ZNF626: variants seen among roughly 807,000 people sequenced by gnomAD.
ZNF626 encodes zinc finger protein 626.
ZNF626 carries 4 observed loss-of-function variants against 11.7 expected under a neutral mutation model. The ratio of observed to expected loss-of-function variants is 0.34; its 90% CI spans 0.17 to 0.78. The LOEUF (loss-of-function observed/expected upper bound fraction) is 0.78. Among genes scored for constraint, ZNF626 ranks in the 30% least tolerant of loss-of-function variants. ZNF626 has a pLI of 0.57. For synonymous variants in ZNF626, 179 were observed against 198.6 expected (o/e 0.90, Z 0.83); for missense variants, 588 against 587.1 (o/e 1.00, Z -0.01).
intron 1 of ZNF626, among the ~76,000 whole-genome samples, chr19:20,646,841 T>TTTATTTATTTAC: frequency 6.6e-6 from 1 of 151,942 alleles, no homozygotes; most frequent in African/African-American, 2.4e-5. Flanking sequence ...TAAAGTCTGA[T>TTTATTTATTTAC]TTATTTATTT....
chr19:20,656,447 T>C (rs1395116460), intron 1 of ZNF626, among the ~76,000 whole-genome samples: 1 of 152,018 alleles, frequency 6.6e-6, no homozygotes, highest in African/African-American at 2.4e-5. Flanking sequence ...ATTGGACCTA[T>C]TTAAACTAAA....
chr19:20,641,443 A>G (rs1455922655), intron 3 of ZNF626, among the ~76,000 whole-genome samples: 1 of 152,164 alleles, frequency 6.6e-6, no homozygotes, highest in African/African-American at 2.4e-5. Flanking sequence ...ATAAAAATAG[A>G]AAGTGGAAAT....
At chr19:20,639,501 A>G (rs73008355) in intron 3 of ZNF626, among the ~76,000 whole-genome samples, 21,873 of 152,214 alleles carry the variant, frequency 0.14, 1,708 homozygotes, top group Middle Eastern at 0.19. Flanking sequence ...ACTTTGGGAG[A>G]TCAAGGTAAG....
At chr19:20,631,166 C>CA (rs1969900188) in intron 3 of ZNF626, among the ~76,000 whole-genome samples, 1 of 151,980 alleles carries the variant, frequency 6.6e-6, no homozygotes, top group Admixed American at 6.6e-5. Context: ...TGTTCTTTTA[C>CA]ATTTGCTGAG....
intron 1 of ZNF626, 124 bp from the exon 2 acceptor site, chr19:20,646,529 C>A: frequency 6.6e-7 from 1 of 1,511,618 alleles, no homozygotes; most frequent in South Asian, 1.3e-5. Flanking sequence ...TAAAATTATC[C>A]AATAAAATGA....
At chr19:20,627,961 G>A (rs1011500942) in intron 3 of ZNF626, among the ~76,000 whole-genome samples, 22 of 152,164 alleles carry the variant, frequency 1.4e-4, no homozygotes, top group African/African-American at 5.3e-4. Context: ...CCCGGTGTGT[G>A]ATGTTTCCCT....
intron 1 of ZNF626, among the ~76,000 whole-genome samples, chr19:20,661,027 G>C (rs567441662): frequency 1.3e-5 from 2 of 152,356 alleles, no homozygotes; most frequent in South Asian, 4.1e-4. Flanking sequence ...ACAGGCGTGA[G>C]CCACAGCGTC....
intron 3 of ZNF626, among the ~76,000 whole-genome samples, chr19:20,630,422 A>T (rs1459824858): frequency 4.7e-5 from 7 of 150,212 alleles, no homozygotes; most frequent in Non-Finnish European, 8.9e-5. Flanking sequence ...ACTTTTTTTG[A>T]TTGGTAAGCT....
chr19:20,653,053 C>CT (rs1427680352), intron 1 of ZNF626, among the ~76,000 whole-genome samples: 1 of 152,046 alleles, frequency 6.6e-6, no homozygotes, highest in African/African-American at 2.4e-5. Context: ...CTGTAGAGGA[C>CT]TATAGATAAG....
At chr19:20,659,083 T>C (rs1020113227) in intron 1 of ZNF626, among the ~76,000 whole-genome samples, 1 of 152,224 alleles carries the variant, frequency 6.6e-6, no homozygotes, top group African/African-American at 2.4e-5. Context: ...CTCCACCTTT[T>C]GTGTGCTCCA....
At chr19:20,642,466 C>T (rs1266054783) in intron 3 of ZNF626, among the ~76,000 whole-genome samples, 3 of 152,006 alleles carry the variant, frequency 2.0e-5, no homozygotes, top group South Asian at 2.1e-4. Flanking sequence ...GGGGTGGTGG[C>T]GTGCCTGTAG....
intron 3 of ZNF626, among the ~76,000 whole-genome samples, chr19:20,633,119 T>C (rs1555770542): frequency 6.6e-6 from 1 of 152,136 alleles, no homozygotes; most frequent in African/African-American, 2.4e-5. Context: ...GAACCGCAGA[T>C]ACTGCTGCCT....
intron 1 of ZNF626, among the ~76,000 whole-genome samples, chr19:20,654,569 C>T (rs1459408175): frequency 2.6e-5 from 4 of 151,360 alleles, no homozygotes; most frequent in South Asian, 4.2e-4. Flanking sequence ...ATTAGCTGGG[C>T]GTGGTGGCAG....
At chr19:20,625,683 T>C (rs1300937536) in intron 3 of ZNF626, 33 bp from the exon 4 acceptor site, 4 of 1,508,068 alleles carry the variant, frequency 2.7e-6, no homozygotes, top group Non-Finnish European at 3.5e-6. Context: ...ATTACTTCAA[T>C]TGGTAGACTC....
At position 20,621,872 on chromosome 19, in the gene ZNF626, A is replaced by G. The variant is rs1005639316; in HGVS notation, c.*2418T>C. ...AATAATGCTTCATTAAATGCACAAT[A>G]GTTTTAAGATGGTAAAAAATAAAAT... On this transcript the variant is annotated 3_prime_UTR_variant, in exon 4 of 4. Coordinates refer to ENST00000601440, the MANE Select transcript of ZNF626 (RefSeq NM_001076675.3). 6.6e-6 allele frequency: 1 copy of G among 152,202 alleles called. No individual in the cohort carries two copies. The highest frequency in any genetic ancestry group is 6.5e-5 in the Admixed American group (1 of 15,278). 9.4% of individuals were successfully genotyped at this position (152,202 alleles called of 1,614,324 possible). A position where few individuals can be genotyped will look rare whatever the true frequency, so the allele number is the denominator to read the frequency against.
chr19:20,656,399 C>A (rs1555773127), intron 1 of ZNF626, among the ~76,000 whole-genome samples: 1 of 152,000 alleles, frequency 6.6e-6, no homozygotes, highest in African/African-American at 2.4e-5. Context: ...CATGATGAAG[C>A]TACCAAAAGC....
intron 3 of ZNF626, 168 bp downstream of exon 3, chr19:20,645,516 A>T: frequency 1.3e-6 from 2 of 1,568,894 alleles, no homozygotes; most frequent in Non-Finnish European, 1.7e-6. Context: ...TTGTAAGCAA[A>T]ATTAAAAAAG....
rs962236846 is a variant in ZNF626 at position 20,622,566 on chromosome 19, A to C, written c.*1724T>G. The C allele has an allele frequency of 6.0e-4, 79 of 131,986 alleles. No individual in the cohort carries two copies. The highest frequency in any genetic ancestry group is 2.0e-3 in the African/African-American group (76 of 37,644). 8.2% of individuals were successfully genotyped at this position (131,986 alleles called of 1,614,324 possible). ...CGTGAATATAATAAAGTAACAGCATAATTTGAAAGCTGTATTACATCATTC... is the reference window on the plus strand; with the variant it reads ...CGTGAATATAATAAAGTAACAGCATCATTTGAAAGCTGTATTACATCATTC... On this transcript the variant is annotated 3_prime_UTR_variant, in exon 4 of 4. Transcript: ENST00000601440.
intron 3 of ZNF626, among the ~76,000 whole-genome samples, chr19:20,629,796 C>G: frequency 6.6e-6 from 1 of 152,082 alleles, no homozygotes; most frequent in Non-Finnish European, 1.5e-5. Flanking sequence ...ATTGCCCTGG[C>G]CAGAACTTCC....
Sources: gnomAD v4.1 joint callset for allele counts (sites outside exome capture counted in the v4.1 genomes callset) on GRCh38, gnomAD v4.1.1 for gene constraint, MANE v1.5 for transcripts, NCBI Gene and HGNC (gene_info 2026-07-23, HGNC 2026-07-21) for gene names.